The following TRIM2 variants were observed in gnomAD, a reference collection of about 807,000 sequenced individuals.
The protein encoded by TRIM2 is tripartite motif containing 2, also known as tripartite motif-containing protein 2.
A neutral mutation model predicts 75.2 loss-of-function variants in TRIM2; 20 were observed. The observed-to-expected ratio is 0.27, with a 90% CI of 0.19 to 0.39. TRIM2 has a LOEUF of 0.39. TRIM2 is among the 10% of genes least tolerant of loss of function. TRIM2 has a pLI of 1.00. For synonymous variants in TRIM2, 373 were observed against 388.3 expected (o/e 0.96, Z 0.46); for missense variants, 660 against 990.8 (o/e 0.67, Z 4.48).
In TRIM2 at chr4:153,173,432, G is replaced by T. The variant is rs142653439; in HGVS notation, c.-49+20162G>T. Among the ~76,000 whole-genome samples the T allele has an allele frequency of 3.8e-3, 571 of 151,716 alleles. 5 individuals are homozygous for T. Among genetic ancestry groups the T allele is most frequent in the African/African-American group, 0.013 (537 of 41,194 alleles). On this transcript the variant is annotated intron_variant, in intron 1 of 11. Transcript: ENST00000437508. ...TAATCCCAGCACTTTGGGAGGCCGA[G>T]GGGGGTGGATTACGAGGTCAGGAGT...
At chr4:153,214,215 T>C (rs144231015) in intron 1 of TRIM2, among the ~76,000 whole-genome samples, 28 of 152,342 alleles carry the variant, frequency 1.8e-4, no homozygotes, top group African/African-American at 6.3e-4. Context: ...TCATTTGCAT[T>C]TCCATGAGCA....
At chr4:153,171,794 T>G (rs1476659566) in intron 1 of TRIM2, among the ~76,000 whole-genome samples, 1 of 150,074 alleles carries the variant, frequency 6.7e-6, no homozygotes, top group Admixed American at 6.6e-5. Context: ...TTGCCAACCT[T>G]GTCCCTCCCC....
chr4:153,268,657 G>C (rs1040885807), intron 1 of TRIM2, among the ~76,000 whole-genome samples: 2 of 152,186 alleles, frequency 1.3e-5, no homozygotes, highest in Admixed American at 1.3e-4. Context: ...CTCAGCCTTG[G>C]TTTATGCCTT....
chr4:153,271,836 C>T (rs566158548), intron 2 of TRIM2, among the ~76,000 whole-genome samples: 16 of 152,298 alleles, frequency 1.1e-4, no homozygotes, highest in African/African-American at 3.8e-4. Flanking sequence ...GGCTGATACT[C>T]TCTATAGAAG....
intron 1 of TRIM2, among the ~76,000 whole-genome samples, chr4:153,155,463 A>C (rs1579204876): frequency 6.6e-6 from 1 of 152,190 alleles, no homozygotes; most frequent in Non-Finnish European, 1.5e-5. Flanking sequence ...ATGAGGTGGA[A>C]AGAGGAGAGA....
chr4:153,219,139 A>T (rs1370627971), intron 1 of TRIM2, among the ~76,000 whole-genome samples: 1 of 152,158 alleles, frequency 6.6e-6, no homozygotes, highest in African/African-American at 2.4e-5. Context: ...TGTGCTCAGT[A>T]AACATTGGTT....
chr4:153,195,993 A>T (rs532894614), intron 1 of TRIM2, among the ~76,000 whole-genome samples: 1 of 152,252 alleles, frequency 6.6e-6, no homozygotes, highest in Admixed American at 6.5e-5. Flanking sequence ...TGCTTTTAGT[A>T]AAGACGGGGG....
chr4:153,296,990 T>TA (rs1762898785), intron 6 of TRIM2, among the ~76,000 whole-genome samples: 1 of 152,198 alleles, frequency 6.6e-6, no homozygotes, highest in Non-Finnish European at 1.5e-5. Context: ...TGGACTTTTT[T>TA]AAATTGCAGA....
intron 6 of TRIM2, chr4:153,308,561 TC>T (rs1765530224): frequency 1.4e-6 from 1 of 707,958 alleles, no homozygotes; most frequent in Admixed American, 1.8e-5. Context: ...ATATCCTGTC[TC>T]TGTGCATTGC....
chr4:153,270,222 C>T (rs1187793616), intron 1 of TRIM2, 113 bp from the exon 2 acceptor site: 22 of 1,315,866 alleles, frequency 1.7e-5, no homozygotes, highest in Non-Finnish European at 6.2e-6. Flanking sequence ...GCCACCACAC[C>T]TGGCCGACTT....
intron 1 of TRIM2, among the ~76,000 whole-genome samples, chr4:153,218,972 A>G (rs1739238523): frequency 7.2e-6 from 1 of 138,522 alleles, no homozygotes; most frequent in Non-Finnish European, 1.5e-5. Context: ...GCTTTGGATT[A>G]CAGATGATTG....
intron 6 of TRIM2, among the ~76,000 whole-genome samples, chr4:153,313,972 C>A (rs2149520529): frequency 6.6e-6 from 1 of 152,094 alleles, no homozygotes; most frequent in African/African-American, 2.4e-5. Context: ...AAATTATAAA[C>A]CTGAAGAATG....
chr4:153,292,264 A>G lies in TRIM2; in HGVS notation c.454-718A>G, dbSNP rs546483244. On this transcript the variant is annotated intron_variant, in intron 3 of 11. Transcript: ENST00000338700. ...GTCTCCAGCCATCTTCTGTTAAGCC[A>G]GACGCTGCAGATATTTACAAAAATG... 5.3e-5 allele frequency among the ~76,000 whole-genome samples: 8 copies of G among 152,346 alleles called. No homozygotes were observed. In the East Asian group the frequency reaches 1.5e-3, roughly 29 times the overall value.
At chr4:153,330,012 A>C (rs1771113121) in intron 11 of TRIM2, among the ~76,000 whole-genome samples, 1 of 152,202 alleles carries the variant, frequency 6.6e-6, no homozygotes, top group Non-Finnish European at 1.5e-5. Context: ...TGTTCTGTAG[A>C]CATCAAAAGG....
intron 1 of TRIM2, among the ~76,000 whole-genome samples, chr4:153,195,573 G>A (rs1038732739): frequency 3.9e-5 from 6 of 151,984 alleles, no homozygotes; most frequent in African/African-American, 1.2e-4. Flanking sequence ...GGAGAGAGGC[G>A]GATTCTCCTT....
At position 153,308,110 on chromosome 4, in the gene TRIM2, C is replaced by T. The variant is rs747586651; in HGVS notation, c.1511-7375C>T. 4.9e-5 allele frequency: 46 copies of T among 943,550 alleles called. 1 individual carries two copies. Among genetic ancestry groups the T allele is most frequent in the South Asian group, 2.6e-4 (20 of 77,684 alleles). 58.4% of individuals were successfully genotyped at this position (943,550 alleles called of 1,614,324 possible). ...TTCTGGAAGTGGGACATGCTCCGCT[C>T]GGTCATGACGCTGATCCACTTGGGA... On this transcript the variant is annotated intron_variant, in intron 6 of 11. Coordinates refer to ENST00000338700, the MANE Select transcript of TRIM2 (RefSeq NM_015271.5).
chr4:153,197,432 G>C (rs1458460557), intron 1 of TRIM2, among the ~76,000 whole-genome samples: 1 of 152,146 alleles, frequency 6.6e-6, no homozygotes, highest in East Asian at 1.9e-4. Flanking sequence ...ATCAAGCCAT[G>C]CTGCCTGTGC....
At chr4:153,281,544 T>A (rs752815497) in intron 3 of TRIM2, among the ~76,000 whole-genome samples, 24 of 152,248 alleles carry the variant, frequency 1.6e-4, no homozygotes, top group South Asian at 2.1e-4. Context: ...ATGTTCCAGA[T>A]AAATTGCTGC....
intron 1 of TRIM2, among the ~76,000 whole-genome samples, chr4:153,226,013 G>A (rs1742024853): frequency 1.3e-5 from 2 of 152,164 alleles, no homozygotes; most frequent in Non-Finnish European, 2.9e-5. Context: ...TGGGACTACA[G>A]GCATGTGCCA....
Sources: allele counts gnomAD v4.1 joint callset (sites outside exome capture counted in the v4.1 genomes callset), GRCh38; gene constraint gnomAD v4.1.1; transcripts MANE v1.5; gene names NCBI Gene and HGNC (gene_info 2026-07-23, HGNC 2026-07-21).